The following OR5B2 variants were observed in gnomAD, a reference collection of about 807,000 sequenced individuals.
OR5B2 encodes olfactory receptor 5B2.
For missense variants in OR5B2, 411 were observed against 367.0 expected (o/e 1.12, Z -0.98); for synonymous variants, 163 against 140.8 (o/e 1.16, Z -1.11).
At chr11:58,423,432 T>C in intron 2 of OR5B2, 143 bp from the exon 3 acceptor site, 3 of 480,452 alleles carry the variant, frequency 6.2e-6, no homozygotes, top group Non-Finnish European at 3.6e-6. Flanking sequence ...TTGGTAACAA[T>C]CTTTAATGCA....
In OR5B2 at chr11:58,422,155, T is replaced by C. The variant is rs114754530; in HGVS notation, c.*177A>G. ...TTCCATTTAGCCTTCCTCATTCAGGTATTACATTTCTGATAATATTTTATT... is the reference window on the plus strand; with the variant it reads ...TTCCATTTAGCCTTCCTCATTCAGGCATTACATTTCTGATAATATTTTATT... On this transcript the variant is annotated 3_prime_UTR_variant, in exon 3 of 3. Transcript: ENST00000641342. The C allele has an allele frequency of 1.4e-3, 662 of 488,586 alleles. 5 individuals carry two copies. Among genetic ancestry groups the C allele is most frequent in the African/African-American group, 0.012 (601 of 51,874 alleles). The allele number at this position is 488,586 out of a possible 1,614,324, so 30.3% of individuals were successfully genotyped here.
intron 1 of OR5B2, among the ~76,000 whole-genome samples, chr11:58,427,756 A>C (rs1044744560): frequency 3.9e-5 from 6 of 152,152 alleles, no homozygotes; most frequent in African/African-American, 7.2e-5. Flanking sequence ...CACAATACAC[A>C]TACCCACCAG....
chr11:58,422,864 G>T lies in OR5B2; in HGVS notation c.398C>A (p.Thr133Asn), dbSNP rs1186973607. 1.2e-6 allele frequency: 2 copies of T among 1,613,798 alleles called. No individual in the cohort carries two copies. The highest frequency in any genetic ancestry group is 1.7e-6 in the Non-Finnish European group (2 of 1,179,830). ...ACAGGCACCTACACTGGCCGTCATGGTGGTGGTGTAGTGTAGGGGTTTGCA... is the reference window on the plus strand; with the variant it reads ...ACAGGCACCTACACTGGCCGTCATGTTGGTGGTGTAGTGTAGGGGTTTGCA... ...AVCKPLHYTT[T>N]MTASVGACLA... Residue 133 changes from threonine (T) to asparagine (N), a missense_variant, in exon 3 of 3, where the codon ACC becomes AAC. Coordinates refer to ENST00000641342, the MANE Select transcript of OR5B2 (RefSeq NM_001005566.3).
At chr11:58,423,337 AT>A in intron 2 of OR5B2, 48 bp from the exon 3 acceptor site, 1 of 855,292 alleles carries the variant, frequency 1.2e-6, no homozygotes, top group Non-Finnish European at 1.8e-6. Flanking sequence ...AAAAAAAGAG[AT>A]TTAGAAATAT....
At chr11:58,423,568 T>C (rs536569757) in intron 2 of OR5B2, among the ~76,000 whole-genome samples, 110 of 152,290 alleles carry the variant, frequency 7.2e-4, no homozygotes, top group African/African-American at 2.4e-3. Flanking sequence ...ATGACTCATC[T>C]GGAACTAATT....
At chr11:58,423,655 G>A (rs771360314) in intron 2 of OR5B2, among the ~76,000 whole-genome samples, 1 of 152,020 alleles carries the variant, frequency 6.6e-6, no homozygotes, top group Non-Finnish European at 1.5e-5. Flanking sequence ...ACCGCTCTAG[G>A]CAATTTGTAT....
chr11:58,427,683 C>T (rs1186952718), intron 1 of OR5B2, among the ~76,000 whole-genome samples: 3 of 152,102 alleles, frequency 2.0e-5, no homozygotes, highest in Admixed American at 6.5e-5. Flanking sequence ...GAAAACAAGA[C>T]AGACAGCAGC....
At chr11:58,426,828 C>T (rs967712658) in intron 1 of OR5B2, among the ~76,000 whole-genome samples, 152 bp from the exon 2 acceptor site, 1 of 152,090 alleles carries the variant, frequency 6.6e-6, no homozygotes, top group South Asian at 2.1e-4. Flanking sequence ...TCACACAGGG[C>T]TGCTGCTGTG....
At position 58,422,767 on chromosome 11, in the gene OR5B2, A is replaced by T; in HGVS notation, c.495T>A (p.Ser165=). 6.2e-7 allele frequency: 1 copy of T among 1,613,906 alleles called. No homozygotes were observed. The part of the protein sequence containing the change: ...SFHIGGIFSL[S]FCKSNLVHHF... ...GATGTACCAGATTGGATTTACAGAA[A>T]GAGAGACTGAATATGCCCCCAATGT... Residue 165 remains serine (S), a synonymous_variant, in exon 3 of 3, where the codon TCT becomes TCA. Coordinates refer to ENST00000641342, the MANE Select transcript of OR5B2 (RefSeq NM_001005566.3).
Position 58,422,946 on chromosome 11 carries a change from C to T in OR5B2, c.316G>A (p.Ala106Thr). 6.2e-7 allele frequency: 1 copy of T among 1,613,776 alleles called. No homozygotes were observed. Among genetic ancestry groups the T allele is most frequent in the Non-Finnish European group, 8.5e-7 (1 of 1,179,834 alleles). Residue 106 changes from alanine to threonine, a missense_variant, in exon 3 of 3, where the codon GCC (alanine) becomes ACC (threonine). Physicochemically the swap from Ala to Thr is moderately conservative, Grantham distance 58. Coordinates refer to ENST00000641342, the MANE Select transcript of OR5B2 (RefSeq NM_001005566.3). ...AVQMFFFVAL[A>T]TVENYLLASM... ...GCCAACAAGTAATTTTCCACCGTGG[C>T]CAAGGCTACAAAGAAGAACATCTGA...
chr11:58,426,550 C>G (rs558660628), intron 2 of OR5B2, 72 bp downstream of exon 2: 1 of 152,028 alleles, frequency 6.6e-6, no homozygotes, highest in African/African-American at 2.4e-5. Flanking sequence ...AATGTTTGCC[C>G]TTGAACTTTT....
rs1855301196 is a variant in OR5B2 at position 58,423,205 on chromosome 11, T to C, written c.57A>G (p.Pro19=). 1 of 1,613,438 alleles carries C rather than the reference T, an allele frequency of 6.2e-7. No homozygotes were observed. The highest frequency in any genetic ancestry group is 2.2e-5 in the East Asian group (1 of 44,862). Residue 19 remains proline (P), a synonymous_variant, in exon 3 of 3, where the codon CCA becomes CCG. Transcript: ENST00000641342. ...KFILLGLTSV[P]ELQIPLFILF... ...AGATAAAGAGGGGGATCTGTAGTTCTGGGACACTGGTTAGTCCTAGAAGAA... is the reference window on the plus strand; with the variant it reads ...AGATAAAGAGGGGGATCTGTAGTTCCGGGACACTGGTTAGTCCTAGAAGAA...
In OR5B2 at chr11:58,422,754, T is replaced by C; in HGVS notation, c.508A>G (p.Asn170Asp). ...GIFSLSFCKSNLVHHFFCDVP... is the reference protein window; with the variant it reads ...GIFSLSFCKSDLVHHFFCDVP... ...TCACAGAAAAAGTGATGTACCAGAT[T>C]GGATTTACAGAAAGAGAGACTGAAT... is the stretch of plus-strand genomic sequence containing the variant. Residue 170 changes from asparagine to aspartate, a missense_variant, in exon 3 of 3, where the codon AAT (asparagine) becomes GAT (aspartate). Transcript: ENST00000641342. 2 of 1,613,774 alleles carry C rather than the reference T, an allele frequency of 1.2e-6. No homozygotes were observed. Among genetic ancestry groups the C allele is most frequent in the Non-Finnish European group, 1.7e-6 (2 of 1,179,862 alleles).
Position 58,423,180 on chromosome 11 carries a change from AGATAAAGAGGGG to A in OR5B2, c.70_81del (p.Pro24_Ile27del). On this transcript the variant is annotated inframe_deletion, in exon 3 of 3. Coordinates refer to ENST00000641342, the MANE Select transcript of OR5B2 (RefSeq NM_001005566.3). ...GTGAGGAGGTAGATGAAGGTGAACA[AGATAAAGAGGGG>A]GATCTGTAGTTCTGGGACACTGGTT... 6.2e-7 allele frequency: 1 copy of A among 1,613,652 alleles called. No individual in the cohort carries two copies. The highest frequency in any genetic ancestry group is 8.5e-7 in the Non-Finnish European group (1 of 1,179,704).
Position 58,422,719 on chromosome 11 carries a change from T to A in OR5B2, c.543A>T (p.Ala181=). The change falls in exon 3 of 3, where the codon GCA becomes GCT. Residue 181 remains alanine (A), a synonymous_variant. Transcript: ENST00000641342. ...TATCAGAGCAAGACAGAGCCATGACTGCTGGAACATCACAGAAAAAGTGAT... is the reference window on the plus strand; with the variant it reads ...TATCAGAGCAAGACAGAGCCATGACAGCTGGAACATCACAGAAAAAGTGAT... The part of the protein sequence containing the change: ...LVHHFFCDVP[A]VMALSCSDKH... The A allele has an allele frequency of 6.2e-7, 1 of 1,613,858 alleles. No individual in the cohort carries two copies. The highest frequency in any genetic ancestry group is 1.3e-5 in the African/African-American group (1 of 75,042).
At chr11:58,426,392 G>A (rs1855338682) in intron 2 of OR5B2, among the ~76,000 whole-genome samples, 1 of 151,954 alleles carries the variant, frequency 6.6e-6, no homozygotes, top group Non-Finnish European at 1.5e-5. Context: ...TTTAAATGAT[G>A]AGAATAATAC....
chr11:58,423,708 A>G (rs1855307248), intron 2 of OR5B2, among the ~76,000 whole-genome samples: 1 of 152,094 alleles, frequency 6.6e-6, no homozygotes, highest in African/African-American at 2.4e-5. Flanking sequence ...TTGATTCGTT[A>G]TTACATTTAT....
chr11:58,426,480 A>G (rs1159079057), intron 2 of OR5B2, 142 bp downstream of exon 2: 1 of 152,156 alleles, frequency 6.6e-6, no homozygotes, highest in Non-Finnish European at 1.5e-5. Context: ...GTGGCTAAAT[A>G]GCGTGATAGC....
chr11:58,423,365 T>G, intron 2 of OR5B2, 76 bp from the exon 3 acceptor site: 1 of 616,228 alleles, frequency 1.6e-6, no homozygotes, highest in Non-Finnish European at 2.7e-6. Context: ...ACTATATGCA[T>G]TATGTAATTA....
Sources: allele counts gnomAD v4.1 joint callset (sites outside exome capture counted in the v4.1 genomes callset), GRCh38; gene constraint gnomAD v4.1.1; transcripts MANE v1.5; gene names NCBI Gene and HGNC (gene_info 2026-07-23, HGNC 2026-07-21).